SLC4A10: variants seen among roughly 807,000 people sequenced by gnomAD.
The protein encoded by SLC4A10 is solute carrier family 4 member 10, also known as sodium-driven chloride bicarbonate exchanger.
Under a neutral mutation model 137.7 loss-of-function variants are expected in SLC4A10, and 42 were observed. The ratio of observed to expected loss-of-function variants is 0.30; its 90% CI spans 0.24 to 0.39. The LOEUF (loss-of-function observed/expected upper bound fraction) is 0.39. Ranked by LOEUF, SLC4A10 falls within the 10% of genes least tolerant of loss-of-function variation. The probability of loss-of-function intolerance (pLI) is 1.00; values close to 1 mark genes in which losing one functional copy is unlikely to be tolerated. For missense variants in SLC4A10, 925 were observed against 1,355.0 expected, an observed-to-expected ratio of 0.68 and a Z score of 4.98; for synonymous variants, 474 against 464.1, an observed-to-expected ratio of 1.02 and a Z score of -0.27.
chr2:161,660,916 T>G (rs1332974958), intron 1 of SLC4A10, among the ~76,000 whole-genome samples: 1 of 151,716 alleles, frequency 6.6e-6, no homozygotes, highest in Non-Finnish European at 1.5e-5. Context: ...TGCCTCGGCC[T>G]CCCAAAGTGC....
intron 1 of SLC4A10, among the ~76,000 whole-genome samples, chr2:161,754,401 T>A (rs570772573): frequency 6.6e-6 from 1 of 152,266 alleles, no homozygotes; most frequent in Non-Finnish European, 1.5e-5. Context: ...ACAACAAAAT[T>A]AATTTTTTTG....
intron 1 of SLC4A10, among the ~76,000 whole-genome samples, chr2:161,650,752 C>A (rs2036680594): frequency 6.6e-6 from 1 of 152,136 alleles, no homozygotes; most frequent in African/African-American, 2.4e-5. Flanking sequence ...CACCAGCCCC[C>A]TGCTGCCTTG....
At position 161,863,079 on chromosome 2, in the gene SLC4A10, T is replaced by C. The variant is rs760450801; in HGVS notation, c.766+17T>C. On this transcript the variant is annotated intron_variant, in intron 6 of 26. Coordinates refer to ENST00000446997, the MANE Select transcript of SLC4A10 (RefSeq NM_001178015.2). ...ACAAAAATGGTAAATGTTTATTTAT[T>C]GTGCTCTTTATGTCTACTATAGGTC... 3 of 1,611,706 alleles carry C rather than the reference T, an allele frequency of 1.9e-6. No individual in the cohort carries two copies. The highest frequency in any genetic ancestry group is 2.2e-5 in the South Asian group (2 of 90,686).
intron 3 of SLC4A10, 100 bp from the exon 4 acceptor site, chr2:161,839,689 G>C: frequency 7.5e-7 from 1 of 1,340,294 alleles, no homozygotes; most frequent in Non-Finnish European, 1.0e-6. Context: ...GCTTGGGGTG[G>C]TGCGAGCTTG....
At chr2:161,729,114 C>T (rs2046551768) in intron 1 of SLC4A10, among the ~76,000 whole-genome samples, 1 of 152,122 alleles carries the variant, frequency 6.6e-6, no homozygotes, top group South Asian at 2.1e-4. Context: ...AGACTAAATG[C>T]TTTCCACATA....
At chr2:161,843,427 ATGTTT>A (rs1457839039) in intron 4 of SLC4A10, among the ~76,000 whole-genome samples, 1 of 152,184 alleles carries the variant, frequency 6.6e-6, no homozygotes, top group Non-Finnish European at 1.5e-5. Flanking sequence ...AGATGGACCT[ATGTTT>A]GTAGCCAAGC....
chr2:161,975,705 T>A (rs1189747525), intron 24 of SLC4A10, among the ~76,000 whole-genome samples: 2 of 152,178 alleles, frequency 1.3e-5, no homozygotes, highest in African/African-American at 4.8e-5. Context: ...TCCTGTGACC[T>A]ATCACCAATC....
At chr2:161,658,306 A>T (rs1436998339) in intron 1 of SLC4A10, among the ~76,000 whole-genome samples, 1 of 152,198 alleles carries the variant, frequency 6.6e-6, no homozygotes, top group East Asian at 1.9e-4. Context: ...ATGAATTAAA[A>T]CATTTAAGAT....
intron 3 of SLC4A10, among the ~76,000 whole-genome samples, chr2:161,812,604 T>C (rs1279294456): frequency 6.6e-6 from 1 of 152,108 alleles, no homozygotes; most frequent in Non-Finnish European, 1.5e-5. Flanking sequence ...CATTTATGAG[T>C]AACAACATGC....
chr2:161,744,963 A>G (rs1443913357), intron 1 of SLC4A10, among the ~76,000 whole-genome samples: 1 of 152,096 alleles, frequency 6.6e-6, no homozygotes, highest in Non-Finnish European at 1.5e-5. Context: ...CTTGTTGCTC[A>G]TTAACATCTT....
At chr2:161,933,634 A>G (rs940877861) in intron 15 of SLC4A10, among the ~76,000 whole-genome samples, 1 of 152,168 alleles carries the variant, frequency 6.6e-6, no homozygotes, top group African/African-American at 2.4e-5. Context: ...GCTTCAAGCA[A>G]TCCTCCTGCC....
intron 3 of SLC4A10, among the ~76,000 whole-genome samples, chr2:161,839,487 T>C (rs1429234210): frequency 6.6e-6 from 1 of 152,124 alleles, no homozygotes; most frequent in Non-Finnish European, 1.5e-5. Context: ...AGAAATAGTC[T>C]CCATGAGTGT....
rs561022230 is a variant in SLC4A10, at chr2:161,941,213, C to A, written c.1998-1579C>A. On this transcript the variant is annotated intron_variant, in intron 15 of 26. Coordinates refer to ENST00000446997, the MANE Select transcript of SLC4A10 (RefSeq NM_001178015.2). ...TCACCAGAGGCTCAAAATCATTCCA[C>A]GTTTAAAATTTTTTTCTCTTTATAA... Among the ~76,000 whole-genome samples, 12 of 152,184 alleles carry A rather than the reference C, an allele frequency of 7.9e-5. No individual in the cohort carries two copies. In the East Asian group the frequency reaches 1.9e-3, roughly 24 times the overall value.
chr2:161,752,036 A>G (rs1490028019), intron 1 of SLC4A10, among the ~76,000 whole-genome samples: 1 of 151,928 alleles, frequency 6.6e-6, no homozygotes, highest in Non-Finnish European at 1.5e-5. Context: ...CTCACCCATT[A>G]AAGTGGAAAC....
intron 1 of SLC4A10, among the ~76,000 whole-genome samples, chr2:161,642,753 T>G (rs1174417039): frequency 6.6e-6 from 1 of 151,992 alleles, no homozygotes; most frequent in Non-Finnish European, 1.5e-5. Context: ...AATATTGCAC[T>G]GCTTTGATCG....
chr2:161,951,795 GT>G (rs1694850072), intron 19 of SLC4A10, among the ~76,000 whole-genome samples: 2 of 152,142 alleles, frequency 1.3e-5, no homozygotes, highest in Non-Finnish European at 2.9e-5. Flanking sequence ...AGTAATTGCA[GT>G]TTTTGCCATT....
At chr2:161,836,518 AAGAGAG>A (rs1333417065) in intron 3 of SLC4A10, among the ~76,000 whole-genome samples, 1 of 124,804 alleles carries the variant, frequency 8.0e-6, no homozygotes, top group Non-Finnish European at 1.6e-5. Flanking sequence ...GAAAGAAAGA[AAGAGAG>A]AGAGAGAGAA....
intron 23 of SLC4A10, among the ~76,000 whole-genome samples, chr2:161,970,655 CTCCTACAT>C (rs1242683784): frequency 6.6e-6 from 1 of 152,128 alleles, no homozygotes; most frequent in African/African-American, 2.4e-5. Context: ...TATTTGAGGG[CTCCTACAT>C]AGATACACAC....
chr2:161,906,777 G>T (rs1453124654), intron 15 of SLC4A10, among the ~76,000 whole-genome samples: 5 of 152,086 alleles, frequency 3.3e-5, no homozygotes, highest in Non-Finnish European at 7.4e-5. Flanking sequence ...CCAAAATAGT[G>T]CAATGTTATA....
Sources: allele counts gnomAD v4.1 joint callset (sites outside exome capture counted in the v4.1 genomes callset), GRCh38; gene constraint gnomAD v4.1.1; transcripts MANE v1.5; gene names NCBI Gene and HGNC (gene_info 2026-07-23, HGNC 2026-07-21).